The following PTPRD variants were observed in gnomAD, a reference collection of about 807,000 sequenced individuals.
The protein encoded by PTPRD is protein tyrosine phosphatase receptor type D.
Under a neutral mutation model 214.5 loss-of-function variants are expected in PTPRD, and 34 were observed. That is an observed-to-expected ratio of 0.16 (90% CI 0.12 to 0.21). PTPRD has a LOEUF of 0.21. PTPRD is among the 10% of genes least tolerant of loss of function. The pLI, the probability that PTPRD is intolerant of heterozygous loss-of-function variation, is 1.00. For missense variants in PTPRD, 2,545 were observed against 2,398.7 expected (o/e 1.06, Z -1.27); for synonymous variants, 1,128 against 845.7 (o/e 1.33, Z -5.79).
At chr9:9,242,938 T>C (rs1278457091) in intron 9 of PTPRD, among the ~76,000 whole-genome samples, 1 of 86,048 alleles carries the variant, frequency 1.2e-5, no homozygotes, top group Non-Finnish European at 2.5e-5. Flanking sequence ...ACTTTCAGTT[T>C]TTCTCTTCTG....
chr9:10,200,197 C>G (rs143397103), intron 3 of PTPRD, among the ~76,000 whole-genome samples: 254 of 151,810 alleles, frequency 1.7e-3, no homozygotes, highest in African/African-American at 5.6e-3. Context: ...TGCTAATTAA[C>G]AAAGAGACCA....
At chr9:8,682,569 C>G (rs1392621378) in intron 12 of PTPRD, among the ~76,000 whole-genome samples, 1 of 152,112 alleles carries the variant, frequency 6.6e-6, no homozygotes, top group African/African-American at 2.4e-5. Flanking sequence ...ATAATTAACA[C>G]CCTTTTTTCC....
At chr9:9,873,480 A>G (rs1232905288) in intron 5 of PTPRD, among the ~76,000 whole-genome samples, 2 of 151,072 alleles carry the variant, frequency 1.3e-5, no homozygotes, top group Non-Finnish European at 3.0e-5. Context: ...TTTTTTTTCT[A>G]TAAGGGCAGT....
At chr9:8,339,494 T>G (rs1850323733) in intron 42 of PTPRD, among the ~76,000 whole-genome samples, 1 of 152,154 alleles carries the variant, frequency 6.6e-6, no homozygotes, top group South Asian at 2.1e-4. Context: ...ACCTCCGAAT[T>G]GATTTGTTCC....
At chr9:9,308,890 T>C (rs1429691942) in intron 9 of PTPRD, among the ~76,000 whole-genome samples, 1 of 152,132 alleles carries the variant, frequency 6.6e-6, no homozygotes, top group African/African-American at 2.4e-5. Flanking sequence ...AAAATATCAT[T>C]ACATGTTATT....
intron 3 of PTPRD, among the ~76,000 whole-genome samples, chr9:10,212,118 T>C (rs574931580): frequency 2.1e-4 from 32 of 152,244 alleles, no homozygotes; most frequent in African/African-American, 7.0e-4. Context: ...ATTTACACTA[T>C]ACCATTCTCT....
chr9:10,386,598 A>C (rs1160418076), intron 2 of PTPRD, among the ~76,000 whole-genome samples: 1 of 151,870 alleles, frequency 6.6e-6, no homozygotes, highest in East Asian at 1.9e-4. Context: ...GTTGTAGACC[A>C]TTAGCTGATA....
chr9:10,223,670 A>AAATAATAATAAT lies in PTPRD; in HGVS notation c.-545+117281_-545+117292dup, dbSNP rs67338126. On this transcript the variant is annotated intron_variant, in intron 3 of 45. Transcript: ENST00000381196. ...GGGTGACAGAATGAGATTCTGTCTC[A>AAATAATAATAAT]AATAATAATAATAATAATAATAATA... Among the ~76,000 whole-genome samples the AAATAATAATAAT allele has an allele frequency of 1.3e-3, 173 of 134,342 alleles. 2 individuals carry two copies. Among genetic ancestry groups the AAATAATAATAAT allele is most frequent in the East Asian group, 3.7e-3 (17 of 4,576 alleles). The allele number at this position is 134,342 out of a possible 152,430, so 88.1% of individuals were successfully genotyped here. A position where few individuals can be genotyped will look rare whatever the true frequency, so the allele number is the denominator to read the frequency against.
At chr9:8,501,112 T>TA in intron 23 of PTPRD, 53 bp from the exon 24 acceptor site, 3 of 1,359,126 alleles carry the variant, frequency 2.2e-6, no homozygotes, top group Admixed American at 2.5e-5. Flanking sequence ...CAGGAGTGGT[T>TA]GAAAAAAAAA....
intron 2 of PTPRD, among the ~76,000 whole-genome samples, chr9:10,363,818 A>C (rs540026315): frequency 6.6e-6 from 1 of 152,064 alleles, no homozygotes; most frequent in Non-Finnish European, 1.5e-5. Flanking sequence ...TCACACATGT[A>C]GATAGATGCT....
intron 3 of PTPRD, among the ~76,000 whole-genome samples, chr9:10,267,554 A>T (rs2094151615): frequency 6.6e-6 from 1 of 152,208 alleles, no homozygotes; most frequent in Non-Finnish European, 1.5e-5. Flanking sequence ...TGCCCAAGGC[A>T]TTTCTTGGTT....
intron 27 of PTPRD, 21 bp downstream of exon 27, chr9:8,492,841 T>C (rs1399592385): frequency 1.3e-6 from 2 of 1,575,216 alleles, no homozygotes; most frequent in East Asian, 2.2e-5. Flanking sequence ...TCAAGGCACA[T>C]ACATGCACAG....
chr9:9,854,382 G>A (rs922814716), intron 5 of PTPRD, among the ~76,000 whole-genome samples: 1 of 151,868 alleles, frequency 6.6e-6, no homozygotes, highest in Non-Finnish European at 1.5e-5. Flanking sequence ...AAAAGCATTG[G>A]GAATTTCTTC....
intron 11 of PTPRD, among the ~76,000 whole-genome samples, chr9:8,757,173 T>C (rs1598863605): frequency 6.6e-6 from 1 of 152,046 alleles, no homozygotes; most frequent in African/African-American, 2.4e-5. Context: ...TAAATATTTA[T>C]TGTCAACTCT....
intron 44 of PTPRD, among the ~76,000 whole-genome samples, chr9:8,330,372 A>AAATAGACTATAGTATAAAGT (rs1554696145): frequency 6.6e-6 from 1 of 152,084 alleles, no homozygotes; most frequent in Non-Finnish European, 1.5e-5. Flanking sequence ...ATTGCACACT[A>AAATAGACTATAGTATAAAGT]AATAGACTAT....
At chr9:10,115,126 T>C (rs2098720577) in intron 3 of PTPRD, among the ~76,000 whole-genome samples, 1 of 151,718 alleles carries the variant, frequency 6.6e-6, no homozygotes, top group Non-Finnish European at 1.5e-5. Flanking sequence ...ACAGAAGCAG[T>C]AAAAATACGA....
intron 3 of PTPRD, among the ~76,000 whole-genome samples, chr9:10,123,481 T>C (rs898867465): frequency 2.6e-5 from 4 of 152,222 alleles, no homozygotes; most frequent in Non-Finnish European, 4.4e-5. Flanking sequence ...AGAAATGTCT[T>C]GGAAGTTGAC....
intron 9 of PTPRD, among the ~76,000 whole-genome samples, chr9:9,313,713 G>A (rs546720440): frequency 6.6e-6 from 1 of 152,252 alleles, no homozygotes; most frequent in South Asian, 2.1e-4. Context: ...ATCTCCGAAA[G>A]GGCTTCTGAT....
At chr9:9,892,760 G>T (rs190065811) in intron 5 of PTPRD, among the ~76,000 whole-genome samples, 1 of 150,188 alleles carries the variant, frequency 6.7e-6, no homozygotes, top group Admixed American at 6.6e-5. Context: ...AAAAAAAATT[G>T]TGTCTTGTTC....
Sources: gnomAD v4.1 joint callset for allele counts (sites outside exome capture counted in the v4.1 genomes callset) on GRCh38, gnomAD v4.1.1 for gene constraint, MANE v1.5 for transcripts, NCBI Gene and HGNC (gene_info 2026-07-23, HGNC 2026-07-21) for gene names.